COPB1: variants seen among roughly 807,000 people sequenced by gnomAD.
COPB1 encodes the protein coat protein complex I subunit beta 1, also known as coatomer subunit beta.
In COPB1, 21 loss-of-function variants were observed where a neutral mutation model predicts 108.7. That is an observed-to-expected ratio of 0.19 (90% CI 0.14 to 0.28). COPB1 has a LOEUF of 0.28. Among genes scored for constraint, COPB1 ranks in the 10% least tolerant of loss-of-function variants. COPB1 has a pLI of 1.00. For synonymous variants in COPB1, 378 were observed against 386.8 expected (o/e 0.98, Z 0.27); for missense variants, 919 against 1,141.3 (o/e 0.81, Z 2.81).
rs550237866 is a variant in COPB1 at position 14,493,103 on chromosome 11, G to A, written c.491+539C>T. 3.9e-5 allele frequency among the ~76,000 whole-genome samples: 6 copies of A among 152,236 alleles called. No individual in the cohort carries two copies. The South Asian group carries it at 8.3e-4, about 21-fold the overall frequency. ...GGAGGTTGTTGTGAGCCGAGATCGC[G>A]CCACTGTGCTCCAGCCTGGGCAACG... On this transcript the variant is annotated intron_variant, in intron 4 of 21. Coordinates refer to ENST00000439561, the MANE Select transcript of COPB1 (RefSeq NM_001144061.2).
At chr11:14,491,349 G>C (rs1463498206) in intron 4 of COPB1, among the ~76,000 whole-genome samples, 1 of 152,014 alleles carries the variant, frequency 6.6e-6, no homozygotes, top group African/African-American at 2.4e-5. Flanking sequence ...CGCCCGGCCT[G>C]CTTTTTGAAA....
intron 16 of COPB1, among the ~76,000 whole-genome samples, chr11:14,467,169 T>C (rs1312660781): frequency 7.2e-6 from 1 of 139,822 alleles, no homozygotes; most frequent in Non-Finnish European, 1.5e-5. Context: ...TCCAGAATAT[T>C]AATAACTCCT....
chr11:14,463,347 T>G (rs368924469), intron 18 of COPB1, among the ~76,000 whole-genome samples: 1 of 152,244 alleles, frequency 6.6e-6, no homozygotes, highest in East Asian at 1.9e-4. Flanking sequence ...AGACAGAGTC[T>G]CACTCTGTTG....
At chr11:14,474,464 T>C in intron 14 of COPB1, 31 bp downstream of exon 14, 1 of 1,603,954 alleles carries the variant, frequency 6.2e-7, no homozygotes, top group Non-Finnish European at 8.5e-7. Flanking sequence ...AATGTTTAAT[T>C]GTTGGTTAAA....
At chr11:14,457,928 C>T (rs532426996) in intron 21 of COPB1, 45 bp from the exon 22 acceptor site, 18 of 1,171,910 alleles carry the variant, frequency 1.5e-5, no homozygotes, top group South Asian at 1.3e-4. Context: ...AAACTATGTA[C>T]AATCAGTAGG....
In COPB1 at chr11:14,465,140, TAATA is replaced by T. The variant is rs1850258765; in HGVS notation, c.2291-114_2291-111del. 3 of 1,326,018 alleles carry T rather than the reference TAATA, an allele frequency of 2.3e-6. No individual in the cohort carries two copies. The African/African-American group carries it at 4.4e-5, about 19-fold the overall frequency. The allele number at this position is 1,326,018 out of a possible 1,614,324, so 82.1% of individuals were successfully genotyped here. A position where few individuals can be genotyped will look rare whatever the true frequency, so the allele number is the denominator to read the frequency against. On this transcript the variant is annotated intron_variant, in intron 17 of 21. Coordinates refer to ENST00000439561, the MANE Select transcript of COPB1 (RefSeq NM_001144061.2). ...CATAAAACCTTAAATGTATGCAGCT[TAATA>T]GTTTCTAGGAAAATAAGGAATATGA...
intron 7 of COPB1, among the ~76,000 whole-genome samples, chr11:14,485,858 A>C (rs1246148508): frequency 6.6e-6 from 1 of 152,178 alleles, no homozygotes; most frequent in Admixed American, 6.5e-5. Context: ...AAAACAAAAC[A>C]ACCCATATTT....
intron 14 of COPB1, among the ~76,000 whole-genome samples, chr11:14,471,728 G>C (rs1007632214): frequency 2.0e-5 from 3 of 152,100 alleles, no homozygotes; most frequent in African/African-American, 4.8e-5. Context: ...GACCAGCCTG[G>C]TCAACATGGT....
At chr11:14,479,412 T>C (rs576213271) in intron 11 of COPB1, among the ~76,000 whole-genome samples, 157 bp downstream of exon 11, 2 of 152,344 alleles carry the variant, frequency 1.3e-5, no homozygotes, top group East Asian at 3.9e-4. Context: ...TATTATAGAC[T>C]AAATGAGAGT....
chr11:14,480,723 G>A (rs1424149340), intron 10 of COPB1, 36 bp downstream of exon 10: 5 of 1,583,974 alleles, frequency 3.2e-6, no homozygotes, highest in Non-Finnish European at 4.3e-6. Context: ...AATTCTTTTA[G>A]ATAATTTCAA....
chr11:14,475,669 G>T, intron 13 of COPB1, 116 bp downstream of exon 13: 1 of 1,084,054 alleles, frequency 9.2e-7, no homozygotes, highest in Non-Finnish European at 1.2e-6. Context: ...ACCTTAAATG[G>T]CAAAGATTTT....
At chr11:14,464,830 A>G in intron 18 of COPB1, 81 bp downstream of exon 18, 1 of 1,459,380 alleles carries the variant, frequency 6.9e-7, no homozygotes, top group Non-Finnish European at 9.4e-7. Context: ...TCCTCTCCTC[A>G]TACAATGTCC....
chr11:14,481,641 G>A (rs866451158), intron 8 of COPB1, among the ~76,000 whole-genome samples: 10 of 152,128 alleles, frequency 6.6e-5, no homozygotes, highest in Non-Finnish European at 1.2e-4. Flanking sequence ...TAACAATTTC[G>A]TTAAATGTGA....
In COPB1 at chr11:14,499,002, A is replaced by T. The variant is rs1188344025; in HGVS notation, c.-57-17T>A. ...CCAGAAAATCTAGAAAAATAAACAC[A>T]GACATATCATTACAAATTAAAAAAA... On this transcript the variant is annotated splice_polypyrimidine_tract_variant and intron_variant, in intron 1 of 21. Coordinates refer to ENST00000439561, the MANE Select transcript of COPB1 (RefSeq NM_001144061.2). The T allele has an allele frequency of 8.3e-7, 1 of 1,199,860 alleles. No homozygotes were observed. The highest frequency in any genetic ancestry group is 1.2e-6 in the Non-Finnish European group (1 of 855,620). The allele number at this position is 1,199,860 out of a possible 1,614,324, so 74.3% of individuals were successfully genotyped here.
At chr11:14,489,001 A>G (rs1850836030) in intron 5 of COPB1, among the ~76,000 whole-genome samples, 1 of 152,224 alleles carries the variant, frequency 6.6e-6, no homozygotes, top group Non-Finnish European at 1.5e-5. Context: ...CTCTCCAGTA[A>G]AAGTATCAAT....
chr11:14,464,883 C>T, intron 18 of COPB1, 28 bp downstream of exon 18: 2 of 1,599,416 alleles, frequency 1.3e-6, no homozygotes, highest in South Asian at 1.1e-5. Context: ...AGTATTCAAA[C>T]ATTACATGCC....
chr11:14,475,823 G>T lies in COPB1; in HGVS notation c.1578C>A (p.Ala526=), dbSNP rs1372159959. The T allele has an allele frequency of 3.1e-6, 5 of 1,611,924 alleles. No homozygotes were observed. Among genetic ancestry groups the T allele is most frequent in the Non-Finnish European group, 4.2e-6 (5 of 1,179,114 alleles). The change falls in exon 13 of 22, where the codon GCC becomes GCA. Residue 526 remains alanine (A), a synonymous_variant. Coordinates refer to ENST00000439561, the MANE Select transcript of COPB1 (RefSeq NM_001144061.2). ...TCTTGGTGGGTCTAGAACTGCTAAG[G>T]GCACTCTGAGTTGCATAGGTACCCA... ...TEMGTYATQS[A]LSSSRPTKKE...
Position 14,476,940 on chromosome 11 carries a change from C to A in COPB1, c.1434G>T (p.Glu478Asp). The A allele has an allele frequency of 6.2e-7, 1 of 1,609,686 alleles. No homozygotes were observed. Among genetic ancestry groups the A allele is most frequent in the Non-Finnish European group, 8.5e-7 (1 of 1,175,998 alleles). The change falls in exon 12 of 22, where the codon GAG (glutamate) becomes GAT (aspartate). Residue 478 changes from glutamate (E) to aspartate (D), a missense_variant. This residue lies in a region of COPB1 where 705 missense variants were observed against 817.8 expected (regional missense o/e 0.86). Transcript: ENST00000439561. The part of the protein sequence containing the change: ...TKEDIQSVMT[E>D]IRRSLGEIPI... ...ATACCTCTCCAAGGGACCTGCGGAT[C>A]TCAGTCATCACACTCTGAATGTCTT... is the stretch of plus-strand genomic sequence containing the variant.
intron 20 of COPB1, among the ~76,000 whole-genome samples, chr11:14,459,784 T>G (rs1393473582): frequency 6.6e-6 from 1 of 151,990 alleles, no homozygotes; most frequent in Non-Finnish European, 1.5e-5. Flanking sequence ...ACCTGGGTAA[T>G]TTTTGTATTT....
Sources: gnomAD v4.1 joint callset for allele counts (sites outside exome capture counted in the v4.1 genomes callset) on GRCh38, gnomAD v4.1.1 for gene constraint, gnomAD v4.1.1 regional missense constraint, MANE v1.5 for transcripts, NCBI Gene and HGNC (gene_info 2026-07-23, HGNC 2026-07-21) for gene names.